ATAD2: variants seen among roughly 807,000 people sequenced by gnomAD.
ATAD2 encodes ATPase family AAA domain-containing protein 2.
In ATAD2, 62 loss-of-function variants were observed where a neutral mutation model predicts 168.9. The observed-to-expected ratio is 0.37, with a 90% confidence interval of 0.30 to 0.45. The LOEUF (loss-of-function observed/expected upper bound fraction) is 0.45, where lower values mean the gene tolerates loss of function less well. ATAD2 is among the 20% of genes least tolerant of loss of function. The probability of loss-of-function intolerance (pLI) is 1.00; values close to 1 mark genes in which losing one functional copy is unlikely to be tolerated. For missense variants in ATAD2, 1,419 were observed against 1,667.8 expected (o/e 0.85, Z 2.60); for synonymous variants, 613 against 571.6 (o/e 1.07, Z -1.03).
At position 123,370,952 on chromosome 8, in the gene ATAD2, A is replaced by G; in HGVS notation, c.678T>C (p.Asp226=). The change falls in exon 6 of 28, where the codon GAT becomes GAC. Residue 226 remains aspartate, a synonymous_variant. Coordinates refer to ENST00000287394, the MANE Select transcript of ATAD2 (RefSeq NM_014109.4). ...TTGTTTCTTCATCAGTTCTTTGAAT[A>G]TCTTTCTGTTTTCCTCTTGTGTACA... is the stretch of plus-strand genomic sequence containing the variant. The part of the protein sequence containing the change: ...LNMYTRGKQK[D]IQRTDEETTD... 1 of 1,607,894 alleles carries G rather than the reference A, an allele frequency of 6.2e-7. No individual in the cohort carries two copies. Among genetic ancestry groups the G allele is most frequent in the South Asian group, 1.1e-5 (1 of 90,258 alleles).
At chr8:123,325,099 C>CTTTTT (rs761145398) in intron 26 of ATAD2, among the ~76,000 whole-genome samples, 2 of 115,014 alleles carry the variant, frequency 1.7e-5, no homozygotes, top group Non-Finnish European at 3.6e-5. Flanking sequence ...AGTAATAATT[C>CTTTTT]TTTTTTTTTT....
intron 8 of ATAD2, among the ~76,000 whole-genome samples, chr8:123,365,832 C>A (rs1399488218): frequency 1.3e-5 from 2 of 152,092 alleles, no homozygotes; most frequent in Non-Finnish European, 2.9e-5. Context: ...AAGATAACAT[C>A]AGGAAAACCC....
intron 1 of ATAD2, among the ~76,000 whole-genome samples, chr8:123,382,653 A>G (rs988675711): frequency 6.6e-6 from 1 of 152,264 alleles, no homozygotes; most frequent in Non-Finnish European, 1.5e-5. Flanking sequence ...ATGAGATACC[A>G]GCTCACACCA....
intron 2 of ATAD2, among the ~76,000 whole-genome samples, chr8:123,377,543 T>C (rs1057347175): frequency 7.2e-5 from 11 of 152,188 alleles, no homozygotes; most frequent in Non-Finnish European, 1.6e-4. Flanking sequence ...ATAAGTTTTA[T>C]ACAAATAAAA....
intron 19 of ATAD2, among the ~76,000 whole-genome samples, chr8:123,343,792 GAA>G (rs1828143783): frequency 6.6e-6 from 1 of 152,126 alleles, no homozygotes; most frequent in Non-Finnish European, 1.5e-5. Flanking sequence ...CAGGAAAAGG[GAA>G]AAGAGTGTGA....
rs1194133112 is a variant in ATAD2 at position 123,346,090 on chromosome 8, G to C, written c.2528C>G (p.Ala843Gly). 8 of 1,524,826 alleles carry C rather than the reference G, an allele frequency of 5.2e-6. No homozygotes were observed. The highest frequency in any genetic ancestry group is 7.0e-6 in the Non-Finnish European group (8 of 1,138,374). The allele number at this position is 1,524,826 out of a possible 1,614,324, so 94.5% of individuals were successfully genotyped here. The change falls in exon 18 of 28, where the codon GCC becomes GGC. Residue 843 changes from alanine to glycine, a missense_variant. Coordinates refer to ENST00000287394, the MANE Select transcript of ATAD2 (RefSeq NM_014109.4). ...ACTTGGGCACCAACAAATTACCTGG[G>C]CACATGTTTCTTCAGGGGATGTAGT... ...VSTTSPEETC[A>G]QVIREAKRTA...
intron 1 of ATAD2, among the ~76,000 whole-genome samples, chr8:123,391,029 A>G (rs991321196): frequency 1.3e-5 from 2 of 152,158 alleles, no homozygotes; most frequent in African/African-American, 4.8e-5. Flanking sequence ...TCAAAAGAAA[A>G]AAAAAACCCA....
chr8:123,360,540 A>G (rs1180947262), intron 9 of ATAD2, among the ~76,000 whole-genome samples: 1 of 152,086 alleles, frequency 6.6e-6, no homozygotes, highest in Admixed American at 6.6e-5. Flanking sequence ...ACGGGGTTTC[A>G]CCATGCTGGA....
intron 24 of ATAD2, among the ~76,000 whole-genome samples, chr8:123,333,231 C>CAAAA (rs71310667): frequency 2.7e-4 from 12 of 43,990 alleles, no homozygotes; most frequent in Non-Finnish European, 3.0e-4. Flanking sequence ...TCTAAAAATA[C>CAAAA]AAAAAAAAAA....
Position 123,346,137 on chromosome 8 carries a change from A to C in ATAD2, c.2481T>G (p.Ile827Met). 1 of 1,601,580 alleles carries C rather than the reference A, an allele frequency of 6.2e-7. No individual in the cohort carries two copies. The change falls in exon 18 of 28, where the codon ATT (isoleucine) becomes ATG (methionine). Residue 827 changes from isoleucine (I) to methionine (M), a missense_variant. By Grantham distance (10) the Ile-to-Met change is conservative. This residue lies in a region of ATAD2 where 545 missense variants were observed against 724.9 expected (regional missense o/e 0.75). Transcript: ENST00000287394. ...LEKFTVYTLD[I>M]PVLFGVSTTS... ...TAGTACTAACTCCAAAAAGAACAGG[A>C]ATGTCTAATGTATATACAGTAAACT...
chr8:123,364,153 T>G (rs1424396817), intron 8 of ATAD2, among the ~76,000 whole-genome samples: 5 of 152,160 alleles, frequency 3.3e-5, no homozygotes, highest in Admixed American at 1.3e-4. Flanking sequence ...ATGCTTTACA[T>G]GTATTAACTC....
intron 26 of ATAD2, among the ~76,000 whole-genome samples, chr8:123,324,166 A>C (rs1038656600): frequency 2.6e-5 from 4 of 152,198 alleles, no homozygotes; most frequent in African/African-American, 9.6e-5. Flanking sequence ...AAACTACTCC[A>C]GGAATATTGC....
intron 13 of ATAD2, among the ~76,000 whole-genome samples, chr8:123,349,868 C>T (rs1318141637): frequency 6.7e-6 from 1 of 148,908 alleles, no homozygotes; most frequent in African/African-American, 2.5e-5. Flanking sequence ...GAAACCCCAT[C>T]TCTATTAAAA....
At chr8:123,385,506 A>T (rs1434235644) in intron 1 of ATAD2, among the ~76,000 whole-genome samples, 1 of 152,152 alleles carries the variant, frequency 6.6e-6, no homozygotes, top group Non-Finnish European at 1.5e-5. Context: ...AATGAGGGGG[A>T]AGTTGAGATG....
rs114014992 is a variant in ATAD2, at chr8:123,377,513, A to C, written c.320+3016T>G. 6.2e-3 allele frequency among the ~76,000 whole-genome samples: 937 copies of C among 152,302 alleles called. 4 individuals are homozygous for C. The highest frequency in any genetic ancestry group is 0.022 in the African/African-American group (911 of 41,558). On this transcript the variant is annotated intron_variant, in intron 2 of 27. Coordinates refer to ENST00000287394, the MANE Select transcript of ATAD2 (RefSeq NM_014109.4). ...TTTTTTTGTATGACTATGTAAACCA[A>C]ACTAAATAGAAGTTCATCTATAAGT...
At position 123,369,957 on chromosome 8, in the gene ATAD2, ATCATCT is replaced by A. The variant is rs1829100752; in HGVS notation, c.789_794del (p.Glu263_Asp264del). 1.9e-6 allele frequency: 3 copies of A among 1,563,206 alleles called. No individual in the cohort carries two copies. Among genetic ancestry groups the A allele is most frequent in the Non-Finnish European group, 1.8e-6 (2 of 1,136,742 alleles). On this transcript the variant is annotated inframe_deletion, in exon 7 of 28. Coordinates refer to ENST00000287394, the MANE Select transcript of ATAD2 (RefSeq NM_014109.4). ...CATCATCATCATCGTCATCATCATC[ATCATCT>A]TCATCATCTTCATCTTCACCATCAT... is the stretch of plus-strand genomic sequence containing the variant.
At chr8:123,347,935 C>T in intron 15 of ATAD2, 1 of 519,794 alleles carries the variant, frequency 1.9e-6, no homozygotes, top group Non-Finnish European at 3.4e-6. Context: ...TACTCTGCCC[C>T]TGATGGCCAA....
chr8:123,395,586 G>A (rs918494483), intron 1 of ATAD2, among the ~76,000 whole-genome samples: 4 of 152,146 alleles, frequency 2.6e-5, no homozygotes, highest in Admixed American at 6.6e-5. Context: ...GCACAACTAC[G>A]CATTCTCAAA....
rs1813011314 is a variant in ATAD2 at position 123,402,138 on chromosome 8, G to A, written c.-2281-963C>T. ...CAGTGGAGGCCGAGGTGGTGGAGGG[G>A]GCACCCCCCAGTGTCCACCTTCGGG... On this transcript the variant is annotated intron_variant, in intron 1 of 28. Transcript: ENST00000521903. The surrounding 1 kb of genome is among the most constrained non-coding windows in gnomAD (Gnocchi z 4.8). 7.6e-6 allele frequency: 6 copies of A among 788,950 alleles called. No individual in the cohort carries two copies. Among genetic ancestry groups the A allele is most frequent in the Middle Eastern group, 3.5e-4 (1 of 2,858 alleles). 48.9% of individuals were successfully genotyped at this position (788,950 alleles called of 1,614,324 possible). A position where few individuals can be genotyped will look rare whatever the true frequency, so the allele number is the denominator to read the frequency against.
Sources: allele counts gnomAD v4.1 joint callset (sites outside exome capture counted in the v4.1 genomes callset), GRCh38; gene constraint gnomAD v4.1.1; regional missense constraint gnomAD v4.1.1; non-coding constraint Gnocchi (gnomAD v3.1); transcripts MANE v1.5; gene names NCBI Gene and HGNC (gene_info 2026-07-23, HGNC 2026-07-21).